Variants in OLFM1 observed in about 807,000 individuals in gnomAD.
The protein encoded by OLFM1 is olfactomedin 1, also known as noelin.
In OLFM1, 9 loss-of-function variants were observed where a neutral mutation model predicts 49.7. The observed-to-expected ratio is 0.18, with a 90% confidence interval of 0.11 to 0.32. OLFM1 has a LOEUF of 0.32. Ranked by LOEUF, OLFM1 falls within the 10% of genes least tolerant of loss-of-function variation. The pLI is 1.00. For synonymous variants in OLFM1, 240 were observed against 271.8 expected (o/e 0.88, Z 1.15); for missense variants, 369 against 661.8 (o/e 0.56, Z 4.85).
At chr9:135,076,620 G>A (rs747005797) in intron 1 of OLFM1, 101 of 1,090,014 alleles carry the variant, frequency 9.3e-5, no homozygotes, top group African/African-American at 2.4e-4. Flanking sequence ...CCTGCCAGCC[G>A]AGGGAGCCGG....
intron 4 of OLFM1, among the ~76,000 whole-genome samples, chr9:135,105,119 G>A (rs1830922719): frequency 1.3e-5 from 2 of 152,234 alleles, no homozygotes; most frequent in Non-Finnish European, 2.9e-5. Flanking sequence ...CCACTGCCAG[G>A]AAGCCTCCAG....
At chr9:135,085,626 T>C (rs1204106383), upstream of OLFM1, among the ~76,000 whole-genome samples, 1 of 152,266 alleles carries the variant, frequency 6.6e-6, no homozygotes. Flanking sequence ...TGATGAGCCC[T>C]GGCTTTAAGA....
chr9:135,087,741 C>T lies in OLFM1; in HGVS notation c.-249C>T. The T allele has an allele frequency of 2.5e-6, 1 of 404,476 alleles. No homozygotes were observed. The highest frequency in any genetic ancestry group is 3.3e-6 in the Non-Finnish European group (1 of 300,980). 25.1% of individuals were successfully genotyped at this position (404,476 alleles called of 1,614,324 possible). ...CAGCCGGGCAAGGCAGGGCGCAGGG[C>T]GGGCGGCGCGAGGCGCAGGGCGCGG... On this transcript the variant is annotated 5_prime_UTR_variant, in exon 1 of 6. Coordinates refer to ENST00000371793, the MANE Select transcript of OLFM1 (RefSeq NM_001282611.2).
intron 1 of OLFM1, among the ~76,000 whole-genome samples, chr9:135,081,393 G>A (rs1012689568): frequency 3.3e-5 from 5 of 152,232 alleles, no homozygotes; most frequent in African/African-American, 1.2e-4. Context: ...GAGCCCATCA[G>A]CTGTGCCTTT....
In OLFM1 at chr9:135,076,384, C is replaced by A. The variant is rs140526615; in HGVS notation, c.96+582C>A. Reference sequence around the variant, plus strand: ...GCTTGGGGGGCTGTGGCCACATGCCCGGCAGGAGGTGAGTGAGGAGCCCTG... The same window carrying A: ...GCTTGGGGGGCTGTGGCCACATGCCAGGCAGGAGGTGAGTGAGGAGCCCTG... On this transcript the variant is annotated intron_variant, in intron 1 of 5. Coordinates refer to the OLFM1 transcript ENST00000252854. 1,838 of 1,510,768 alleles carry A rather than the reference C, an allele frequency of 1.2e-3. 17 individuals are homozygous for A. The African/African-American group carries it at 0.021, about 17-fold the overall frequency. The allele number at this position is 1,510,768 out of a possible 1,614,324, so 93.6% of individuals were successfully genotyped here.
At chr9:135,111,830 C>T (rs1299461117) in intron 5 of OLFM1, among the ~76,000 whole-genome samples, 1 of 152,240 alleles carries the variant, frequency 6.6e-6, no homozygotes, top group African/African-American at 2.4e-5. Context: ...AGGCCTCAGC[C>T]TCCCGAGTAG....
intron 5 of OLFM1, among the ~76,000 whole-genome samples, chr9:135,109,473 GC>G (rs1830992062): frequency 6.6e-6 from 1 of 152,140 alleles, no homozygotes; most frequent in South Asian, 2.1e-4. Flanking sequence ...GGGATCCCTG[GC>G]AAGGGGGTGG....
chr9:135,098,331 TTG>T lies in OLFM1; in HGVS notation c.503_504del (p.Leu168Ter). The T allele has an allele frequency of 6.2e-7, 1 of 1,613,856 alleles. No individual in the cohort carries two copies. Among genetic ancestry groups the T allele is most frequent in the Non-Finnish European group, 8.5e-7 (1 of 1,180,020 alleles). ...TGAACTTAGGCCTTTGATACCTGTG[TTG>T]GAAGAGTACAAGGCCGATGCCAAAT... ...MDELRPLIPV[L>X]EEYKADAKLV... is the part of the protein sequence containing the mutation. On this transcript the variant is annotated frameshift_variant, in exon 4 of 6. Transcript: ENST00000371793. LOFTEE classifies it high-confidence loss of function. The surrounding 1 kb of genome is among the most constrained non-coding windows in gnomAD (Gnocchi z 5.6).
At chr9:135,087,664 G>A, upstream of OLFM1, 3 of 492,010 alleles carry the variant, frequency 6.1e-6, no homozygotes, top group Non-Finnish European at 8.9e-6. Flanking sequence ...CCCGCGCAGC[G>A]CTCAGAGCCG....
intron 5 of OLFM1, among the ~76,000 whole-genome samples, chr9:135,118,769 CGCCGTGTCTTTGG>C (rs1831137541): frequency 2.2e-5 from 3 of 136,052 alleles, no homozygotes; most frequent in African/African-American, 8.1e-5. Flanking sequence ...TTGGAGTGCT[CGCCGTGTCTTTGG>C]AGTGCTCGCC....
intron 5 of OLFM1, among the ~76,000 whole-genome samples, chr9:135,118,140 C>T (rs1368888059): frequency 1.3e-5 from 2 of 152,236 alleles, no homozygotes. Flanking sequence ...AGTCGGGGAA[C>T]AGCTTCCCGC....
chr9:135,097,922 G>C (rs1477857320), intron 3 of OLFM1: 5 of 1,512,908 alleles, frequency 3.3e-6, no homozygotes, highest in African/African-American at 1.4e-5. Context: ...ATTTCACTAA[G>C]GAACCTTGAA....
rs1364128764 is a variant in OLFM1, at chr9:135,098,983, G to A, written c.676+478G>A. On this transcript the variant is annotated intron_variant, in intron 4 of 5. Transcript: ENST00000371793. This position sits in a 1 kb window ranked among gnomAD's most constrained non-coding sequence, Gnocchi z 5.6. ...GCTGCCATTCACAGCACGGGAGGGA[G>A]CCCCTGCTCACAGCCTGGAAGGGGA... Among the ~76,000 whole-genome samples, 2 of 152,210 alleles carry A rather than the reference G, an allele frequency of 1.3e-5. No individual in the cohort carries two copies. Among genetic ancestry groups the A allele is most frequent in the African/African-American group, 4.8e-5 (2 of 41,462 alleles).
chr9:135,096,989 G>A lies in OLFM1; in HGVS notation c.456+970G>A, dbSNP rs373142541. ...CATCTCAGTGCGATTCGACTGAAAC[G>A]TTATATGCCGCCTTAATGAAGGTAT... On this transcript the variant is annotated intron_variant, in intron 3 of 5. Transcript: ENST00000371793. Among the ~76,000 whole-genome samples, 5 of 152,262 alleles carry A rather than the reference G, an allele frequency of 3.3e-5. No homozygotes were observed. The East Asian group carries it at 5.8e-4, about 18-fold the overall frequency.
chr9:135,107,422 C>CAT (rs1459765862), intron 5 of OLFM1, among the ~76,000 whole-genome samples: 1 of 152,184 alleles, frequency 6.6e-6, no homozygotes, highest in Non-Finnish European at 1.5e-5. Context: ...AAACAGGCAT[C>CAT]ATATTTGCCT....
intron 2 of OLFM1, among the ~76,000 whole-genome samples, chr9:135,094,158 C>A (rs1223095104): frequency 6.6e-6 from 1 of 152,102 alleles, no homozygotes; most frequent in African/African-American, 2.4e-5. Context: ...GTTGCTTCCT[C>A]CGGCCATGTG....
intron 2 of OLFM1, among the ~76,000 whole-genome samples, 170 bp downstream of exon 2, chr9:135,090,514 G>A (rs1830670510): frequency 6.6e-6 from 1 of 152,022 alleles, no homozygotes; most frequent in Non-Finnish European, 1.5e-5. Flanking sequence ...ATGAGTGAAA[G>A]GGTGGATGGA....
upstream of OLFM1, among the ~76,000 whole-genome samples, chr9:135,084,203 C>T (rs1187940700): frequency 2.0e-5 from 3 of 152,240 alleles, no homozygotes; most frequent in East Asian, 5.8e-4. The surrounding 1 kb of genome is among the most constrained non-coding windows in gnomAD (Gnocchi z 4.6). Context: ...AATGTTCCAG[C>T]ACAGAAAGGG....
intron 1 of OLFM1, among the ~76,000 whole-genome samples, chr9:135,081,383 G>A (rs1351829793): frequency 6.6e-6 from 1 of 152,244 alleles, no homozygotes; most frequent in Non-Finnish European, 1.5e-5. Context: ...ATGCACCACA[G>A]AGCCCATCAG....
Sources: gnomAD v4.1 joint callset for allele counts (sites outside exome capture counted in the v4.1 genomes callset) on GRCh38, gnomAD v4.1.1 for gene constraint, Gnocchi (gnomAD v3.1) non-coding constraint, MANE v1.5 for transcripts, NCBI Gene and HGNC (gene_info 2026-07-23, HGNC 2026-07-21) for gene names.